Variants in PPAN observed in about 807,000 individuals in gnomAD.
PPAN encodes the protein suppressor of SWI4 1 homolog.
A neutral mutation model predicts 48.5 loss-of-function variants in PPAN; 39 were observed. The observed-to-expected ratio is 0.80, with a 90% CI of 0.62 to 1.05. The LOEUF (loss-of-function observed/expected upper bound fraction) is 1.05. Ranked by LOEUF, PPAN falls within the 50% of genes least tolerant of loss-of-function variation. The pLI, the probability that PPAN is intolerant of heterozygous loss-of-function variation, is 0.00. For missense variants in PPAN, 736 were observed against 661.7 expected (o/e 1.11, Z -1.23); for synonymous variants, 315 against 268.6 (o/e 1.17, Z -1.69).
chr19:10,107,386 CTG>C, intron 2 of PPAN, 117 bp from the exon 3 acceptor site: 1 of 1,061,132 alleles, frequency 9.4e-7, no homozygotes, highest in Non-Finnish European at 1.3e-6. Context: ...TTTTGCTCCT[CTG>C]GGCTTGTTGA....
At position 10,110,214 on chromosome 19, in the gene PPAN, C is replaced by T. The variant is rs868864799; in HGVS notation, c.790C>T (p.Arg264Trp). The T allele has an allele frequency of 3.1e-6, 5 of 1,610,848 alleles. No homozygotes were observed. The highest frequency in any genetic ancestry group is 2.2e-5 in the East Asian group (1 of 44,864). ...GGCTGTCGCTGGCCGTGGCAACATG[C>T]GGGCCCAGCAGAGTGCAGTGCGGCT... The part of the protein sequence containing the change: ...PQAVAGRGNM[R>W]AQQSAVRLTE... The change falls in exon 8 of 12, where the codon CGG (arginine) becomes TGG (tryptophan). Residue 264 changes from arginine (R) to tryptophan (W), a missense_variant. Transcript: ENST00000253107. The surrounding 1 kb of genome is among the most constrained non-coding windows in gnomAD (Gnocchi z 5.9).
rs761837334 is a variant in PPAN at position 10,107,616 on chromosome 19, C to A, written c.291+10C>A. 3 of 1,613,700 alleles carry A rather than the reference C, an allele frequency of 1.9e-6. No individual in the cohort carries two copies. Among genetic ancestry groups the A allele is most frequent in the African/African-American group, 1.3e-5 (1 of 74,876 alleles). Reference sequence around the variant, plus strand: ...GACCAATGTCTACTTTGTGAGTAGACGCCCTCACCCTTCATCTCCCCCAGA... The same window carrying A: ...GACCAATGTCTACTTTGTGAGTAGAAGCCCTCACCCTTCATCTCCCCCAGA... On this transcript the variant is annotated intron_variant, in intron 3 of 11. Coordinates refer to ENST00000253107, the MANE Select transcript of PPAN (RefSeq NM_020230.7).
At chr19:10,106,261 C>T, upstream of PPAN, 2 of 1,458,758 alleles carry the variant, frequency 1.4e-6, no homozygotes, top group Non-Finnish European at 1.8e-6. Flanking sequence ...TTGCCCCTCC[C>T]CGCTCCCAGA....
At chr19:10,107,106 G>C (rs997729048) in intron 2 of PPAN, 4 of 424,554 alleles carry the variant, frequency 9.4e-6, no homozygotes, top group Non-Finnish European at 1.8e-5. Context: ...AGGATTCCTT[G>C]AGCCCAGGAA....
chr19:10,106,314 T>C (rs1420805986), upstream of PPAN: 13 of 1,543,416 alleles, frequency 8.4e-6, no homozygotes, highest in East Asian at 2.7e-4. Context: ...TCCCACGCCG[T>C]GCCGGCTCTC....
chr19:10,110,487 A>C lies in PPAN; in HGVS notation c.904A>C (p.Ser302Arg), dbSNP rs2145208688. The change falls in exon 10 of 12, where the codon AGC becomes CGC. Residue 302 changes from serine (S) to arginine (R), a missense_variant and splice_region_variant. Ser to Arg is a moderately radical substitution (Grantham distance 110). Coordinates refer to ENST00000253107, the MANE Select transcript of PPAN (RefSeq NM_020230.7). The surrounding 1 kb of genome is among the most constrained non-coding windows in gnomAD (Gnocchi z 5.9). ...EGKVMFHSFV[S>R]KTEEELQAIL... ...GTGACCCGCGTCTCTTGGCTCAGTG[A>C]GCAAGACGGAGGAGGAGCTGCAGGC... 6.2e-7 allele frequency: 1 copy of C among 1,612,440 alleles called. No individual in the cohort carries two copies. The highest frequency in any genetic ancestry group is 1.1e-5 in the South Asian group (1 of 91,028).
chr19:10,107,497 A>G lies in PPAN; in HGVS notation c.190-8A>G, dbSNP rs201920671. The G allele has an allele frequency of 1.9e-6, 3 of 1,612,600 alleles. No homozygotes were observed. Among genetic ancestry groups the G allele is most frequent in the Admixed American group, 1.7e-5 (1 of 59,754 alleles). On this transcript the variant is annotated splice_polypyrimidine_tract_variant and splice_region_variant and intron_variant, in intron 2 of 11. Coordinates refer to ENST00000253107, the MANE Select transcript of PPAN (RefSeq NM_020230.7). ...TATGTTTTCTTTTTTTCTTTTTGTCATTTCCAGGTTCGTAAGAAGAACTCG... is the reference window on the plus strand; with the variant it reads ...TATGTTTTCTTTTTTTCTTTTTGTCGTTTCCAGGTTCGTAAGAAGAACTCG...
Position 10,109,989 on chromosome 19 carries a change from C to T in PPAN, c.667C>T (p.Arg223Cys), listed in dbSNP as rs771652086. The T allele has an allele frequency of 1.6e-5, 26 of 1,613,882 alleles. No homozygotes were observed. The highest frequency in any genetic ancestry group is 5.3e-5 in the African/African-American group (4 of 74,926). The change falls in exon 7 of 12, where the codon CGC becomes TGC. Residue 223 changes from arginine (R) to cysteine (C), a missense_variant. Physicochemically the swap from Arg to Cys is radical, Grantham distance 180 (BLOSUM62 -3). Coordinates refer to ENST00000253107, the MANE Select transcript of PPAN (RefSeq NM_020230.7). ...LLQEKFPNMS[R>C]LQDISELLAT... is the part of the protein sequence containing the mutation. ...CCAGGAGAAGTTCCCCAACATGAGC[C>T]GCCTGCAGGACATCAGCGAGCTGCT...
At position 10,110,482 on chromosome 19, in the gene PPAN, C is replaced by T. The variant is rs1174896833; in HGVS notation, c.902-3C>T. 3.1e-6 allele frequency: 5 copies of T among 1,612,472 alleles called. No individual in the cohort carries two copies. The highest frequency in any genetic ancestry group is 4.5e-5 in the East Asian group (2 of 44,840). ...TCTTGGTGACCCGCGTCTCTTGGCT[C>T]AGTGAGCAAGACGGAGGAGGAGCTG... On this transcript the variant is annotated splice_region_variant and splice_polypyrimidine_tract_variant and intron_variant, in intron 9 of 11. Coordinates refer to ENST00000253107, the MANE Select transcript of PPAN (RefSeq NM_020230.7). This position sits in a 1 kb window ranked among gnomAD's most constrained non-coding sequence, Gnocchi z 5.9.
Position 10,111,962 on chromosome 19 carries a change from T to C in PPAN, c.*797T>C, listed in dbSNP as rs1463845342. On this transcript the variant is annotated 3_prime_UTR_variant, in exon 12 of 12. Coordinates refer to ENST00000253107, the MANE Select transcript of PPAN (RefSeq NM_020230.7). ...CCGTCTCTACTAAAAATAAAAAAAT[T>C]AGCTGGGCCTGGTGGCACATGCCTG... is the stretch of plus-strand genomic sequence containing the variant. 2 of 508,050 alleles carry C rather than the reference T, an allele frequency of 3.9e-6. No individual in the cohort carries two copies. Among genetic ancestry groups the C allele is most frequent in the African/African-American group, 3.9e-5 (2 of 50,858 alleles). The allele number at this position is 508,050 out of a possible 1,614,324, so 31.5% of individuals were successfully genotyped here. A position where few individuals can be genotyped will look rare whatever the true frequency, so the allele number is the denominator to read the frequency against.
Position 10,111,348 on chromosome 19 carries a change from C to A in PPAN, c.*183C>A. 1.3e-6 allele frequency: 1 copy of A among 796,852 alleles called. No homozygotes were observed. The highest frequency in any genetic ancestry group is 1.9e-6 in the Non-Finnish European group (1 of 517,738). The allele number at this position is 796,852 out of a possible 1,614,324, so 49.4% of individuals were successfully genotyped here. A position where few individuals can be genotyped will look rare whatever the true frequency, so the allele number is the denominator to read the frequency against. ...GGGATTCTGGAGCCATACAAAGCAA[C>A]CCAGAGAGTCCTGGGCCGGCCACAC... is the stretch of plus-strand genomic sequence containing the variant. On this transcript the variant is annotated 3_prime_UTR_variant, in exon 12 of 12. Transcript: ENST00000253107.
Position 10,110,791 on chromosome 19 carries a change from G to A in PPAN, c.1126G>A (p.Gly376Ser). Residue 376 changes from glycine to serine, a missense_variant, in exon 11 of 12, where the codon GGT becomes AGT. By Grantham distance (56) the Gly-to-Ser change is moderately conservative (BLOSUM62 0). Transcript: ENST00000253107. The surrounding 1 kb of genome is among the most constrained non-coding windows in gnomAD (Gnocchi z 5.9). ...TTCAAGGACGGCGAGCCTGGAGTTGGGTGAGGACGATGATGAACAGGAAGA... is the reference window on the plus strand; with the variant it reads ...TTCAAGGACGGCGAGCCTGGAGTTGAGTGAGGACGATGATGAACAGGAAGA... The part of the protein sequence containing the change: ...IPSRTASLEL[G>S]EDDDEQEDDD... 2 of 1,614,028 alleles carry A rather than the reference G, an allele frequency of 1.2e-6. No individual in the cohort carries two copies. The highest frequency in any genetic ancestry group is 1.7e-6 in the Non-Finnish European group (2 of 1,180,008).
At chr19:10,107,400 A>G (rs2088866964) in intron 2 of PPAN, 105 bp from the exon 3 acceptor site, 1 of 1,223,176 alleles carries the variant, frequency 8.2e-7, no homozygotes, top group Non-Finnish European at 1.1e-6. Flanking sequence ...GCTTGTTGAA[A>G]GGGTCAGATG....
In PPAN at chr19:10,110,275, G is replaced by C; in HGVS notation, c.822+29G>C. 1 of 1,612,688 alleles carries C rather than the reference G, an allele frequency of 6.2e-7. No individual in the cohort carries two copies. The highest frequency in any genetic ancestry group is 8.5e-7 in the Non-Finnish European group (1 of 1,179,660). On this transcript the variant is annotated intron_variant, in intron 8 of 11. Coordinates refer to ENST00000253107, the MANE Select transcript of PPAN (RefSeq NM_020230.7). The surrounding 1 kb of genome is among the most constrained non-coding windows in gnomAD (Gnocchi z 5.9). ...AGGCCCAGGGCAGGGGGACCCCCGG[G>C]CTCCACCAGTCCCAACGGTGGGCTG...
In PPAN at chr19:10,106,491, G is replaced by C. The variant is rs1233491634; in HGVS notation, c.19-10G>C. The C allele has an allele frequency of 6.5e-7, 1 of 1,549,668 alleles. No homozygotes were observed. The highest frequency in any genetic ancestry group is 1.2e-5 in the South Asian group (1 of 83,968). On this transcript the variant is annotated splice_polypyrimidine_tract_variant and intron_variant, in intron 1 of 11. Coordinates refer to ENST00000253107, the MANE Select transcript of PPAN (RefSeq NM_020230.7). ...TCGCGGCGCTGACCCTTTGTCTCTC[G>C]TCGCCGCAGTCCCGGCACCAGAAGC...
chr19:10,111,653 G>C lies in PPAN; in HGVS notation c.*488G>C. ...ATGGGGCTGGGGCAGGGCCCACTAAGCCACTGGTGACTGGGGGAGGGGCTG... is the reference window on the plus strand; with the variant it reads ...ATGGGGCTGGGGCAGGGCCCACTAACCCACTGGTGACTGGGGGAGGGGCTG... On this transcript the variant is annotated 3_prime_UTR_variant, in exon 12 of 12. Transcript: ENST00000253107. The C allele has an allele frequency of 6.2e-7, 1 of 1,603,310 alleles. No individual in the cohort carries two copies. Among genetic ancestry groups the C allele is most frequent in the Non-Finnish European group, 8.5e-7 (1 of 1,171,476 alleles).
Position 10,110,707 on chromosome 19 carries a change from C to T in PPAN, c.1042C>T (p.Leu348=), listed in dbSNP as rs753908442. 44 of 1,613,720 alleles carry T rather than the reference C, an allele frequency of 2.7e-5. 1 individual carries two copies. In the South Asian group the frequency reaches 4.8e-4, roughly 18 times the overall value. ...CACGCCCTCCTCCAGAAAGAAGAGC[C>T]TGGAGGGCATGAAGAAGGCACGGGT... ...EQREAHRKKS[L]EGMKKARVGG... The change falls in exon 11 of 12, where the codon CTG becomes TTG. Residue 348 remains leucine (L), a synonymous_variant. Transcript: ENST00000253107. This position sits in a 1 kb window ranked among gnomAD's most constrained non-coding sequence, Gnocchi z 5.9.
chr19:10,107,447 A>G, intron 2 of PPAN, 58 bp from the exon 3 acceptor site: 2 of 1,579,734 alleles, frequency 1.3e-6, no homozygotes, highest in South Asian at 1.1e-5. Flanking sequence ...CCGTCAGCTT[A>G]TAGTTGTCAC....
At chr19:10,108,738 C>T (rs181353102) in intron 5 of PPAN, among the ~76,000 whole-genome samples, 186 of 142,622 alleles carry the variant, frequency 1.3e-3, no homozygotes, top group Non-Finnish European at 2.4e-3. Flanking sequence ...GGTGACAAAG[C>T]GAGACACTGT....
Sources: allele counts gnomAD v4.1 joint callset (sites outside exome capture counted in the v4.1 genomes callset), GRCh38; gene constraint gnomAD v4.1.1; non-coding constraint Gnocchi (gnomAD v3.1); transcripts MANE v1.5; gene names NCBI Gene and HGNC (gene_info 2026-07-23, HGNC 2026-07-21).